Variants in HLTF observed in about 807,000 individuals in gnomAD.
The protein encoded by HLTF is helicase like transcription factor.
A neutral mutation model predicts 129.4 loss-of-function variants in HLTF; 127 were observed. The observed-to-expected ratio is 0.98, with a 90% CI of 0.85 to 1.14. The LOEUF is 1.14. HLTF is among the 50% of genes most tolerant of loss of function. HLTF has a pLI of 0.00. For synonymous variants in HLTF, 332 were observed against 388.8 expected, an observed-to-expected ratio of 0.85 and a Z score of 1.72; for missense variants, 1,139 against 1,187.1, an observed-to-expected ratio of 0.96 and a Z score of 0.60.
chr3:149,032,214 C>A lies in HLTF; in HGVS notation c.*6G>T. ...AATCAAACTGACCTTACTAAAATCC[C>A]ACAAATTATAAGTCAATTAATGTTC... On this transcript the variant is annotated 3_prime_UTR_variant, in exon 25 of 25. Transcript: ENST00000310053. 6.4e-7 allele frequency: 1 copy of A among 1,554,178 alleles called. No individual in the cohort carries two copies. The highest frequency in any genetic ancestry group is 8.6e-7 in the Non-Finnish European group (1 of 1,156,356).
At chr3:149,078,162 C>A (rs1243638001) in intron 2 of HLTF, among the ~76,000 whole-genome samples, 1 of 151,924 alleles carries the variant, frequency 6.6e-6, no homozygotes, top group Non-Finnish European at 1.5e-5. Flanking sequence ...GGTCTATACA[C>A]AGGGAAAAAA....
intron 15 of HLTF, 46 bp from the exon 16 acceptor site, chr3:149,049,047 A>G: frequency 7.8e-7 from 1 of 1,280,254 alleles, no homozygotes; most frequent in Non-Finnish European, 1.1e-6. Flanking sequence ...GGAAAGTAAA[A>G]TAGTACTTAA....
intron 2 of HLTF, among the ~76,000 whole-genome samples, chr3:149,076,574 T>A (rs1345959631): frequency 6.6e-6 from 1 of 152,174 alleles, no homozygotes; most frequent in African/African-American, 2.4e-5. Flanking sequence ...TGAGCCTCAA[T>A]TCTCCAGAAT....
intron 8 of HLTF, among the ~76,000 whole-genome samples, chr3:149,067,960 A>T (rs1263527933): frequency 6.6e-6 from 1 of 152,158 alleles, no homozygotes; most frequent in East Asian, 1.9e-4. Context: ...CCTGGACAAC[A>T]TGGCGAAATC....
Position 149,055,374 on chromosome 3 carries a change from T to G in HLTF, c.1402A>C (p.Lys468Gln), listed in dbSNP as rs756479170. The change falls in exon 14 of 25, where the codon AAA (lysine) becomes CAA (glutamine). Residue 468 changes from lysine to glutamine, a missense_variant. Transcript: ENST00000310053. Reference protein sequence around the residue: ...KGACAVEGSKKTDVEERPRTT... With the variant: ...KGACAVEGSKQTDVEERPRTT... ...CTTGGTCTCTCCTCAACATCAGTTT[T>G]CTTTGACCCCTCCACTGCACAAGCT... The G allele has an allele frequency of 1.9e-6, 3 of 1,613,826 alleles. No homozygotes were observed. In the South Asian group the frequency reaches 3.3e-5, roughly 18 times the overall value.
Position 149,048,156 on chromosome 3 carries a change from T to G in HLTF, c.1764A>C (p.Pro588=). 1.2e-6 allele frequency: 2 copies of G among 1,604,918 alleles called. No homozygotes were observed. Among genetic ancestry groups the G allele is most frequent in the Non-Finnish European group, 1.7e-6 (2 of 1,176,890 alleles). The change falls in exon 17 of 25, where the codon CCA becomes CCC. Residue 588 remains proline, a synonymous_variant. Coordinates refer to ENST00000310053, the MANE Select transcript of HLTF (RefSeq NM_003071.4). ...ACAAGTCCTTTAAAGAATTCTGGAT[T>G]GGAGTACCTAGAAATAACAGGAAAC... is the stretch of plus-strand genomic sequence containing the variant. The part of the protein sequence containing the change: ...SERRWVLTGT[P]IQNSLKDLWS...
intron 18 of HLTF, among the ~76,000 whole-genome samples, chr3:149,045,766 T>C (rs1452630105): frequency 6.6e-6 from 1 of 152,212 alleles, no homozygotes; most frequent in African/African-American, 2.4e-5. Context: ...TAAACCTATT[T>C]CATCAGTTCC....
intron 1 of HLTF, 99 bp from the exon 2 acceptor site, chr3:149,084,988 C>T (rs2108082204): frequency 1.3e-6 from 1 of 799,242 alleles, no homozygotes; most frequent in East Asian, 2.7e-5. Context: ...CAAATGAAAT[C>T]TTACATGGGA....
At position 149,046,107 on chromosome 3, in the gene HLTF, T is replaced by A. The variant is rs561083562; in HGVS notation, c.2045A>T (p.Lys682Ile). 6.2e-7 allele frequency: 1 copy of A among 1,610,122 alleles called. No homozygotes were observed. Among genetic ancestry groups the A allele is most frequent in the Non-Finnish European group, 8.5e-7 (1 of 1,178,584 alleles). ...DEERKIYQSV[K>I]NEGRATIGRY... ...TCCAATAGTGGCTCTGCCTTCATTT[T>A]TCACAGACTGATAAATCTTTCTCTC... Residue 682 changes from lysine (K) to isoleucine (I), a missense_variant, in exon 18 of 25, where the codon AAA becomes ATA. Coordinates refer to ENST00000310053, the MANE Select transcript of HLTF (RefSeq NM_003071.4).
intron 20 of HLTF, among the ~76,000 whole-genome samples, chr3:149,041,071 GT>G (rs1256319612): frequency 6.6e-6 from 1 of 152,096 alleles, no homozygotes; most frequent in Admixed American, 6.6e-5. Context: ...TGTGCTGTAA[GT>G]ATACACCACC....
At chr3:149,071,686 T>TA in intron 5 of HLTF, 29 bp from the exon 6 acceptor site, 2 of 1,234,512 alleles carry the variant, frequency 1.6e-6, no homozygotes, top group Non-Finnish European at 2.3e-6. Flanking sequence ...AGAAACAATG[T>TA]AAAACAAACT....
intron 18 of HLTF, among the ~76,000 whole-genome samples, chr3:149,043,730 A>G (rs768935235): frequency 1.3e-5 from 2 of 152,144 alleles, no homozygotes; most frequent in African/African-American, 4.8e-5. Flanking sequence ...TAAGAGTACA[A>G]ATTTTTAGAG....
At chr3:149,074,615 A>G (rs1278525097) in intron 3 of HLTF, among the ~76,000 whole-genome samples, 2 of 152,192 alleles carry the variant, frequency 1.3e-5, no homozygotes, top group Non-Finnish European at 2.9e-5. Flanking sequence ...CCTGTAAACA[A>G]GATTGTAATA....
chr3:149,055,581 T>C (rs1427973793), intron 13 of HLTF, among the ~76,000 whole-genome samples, 181 bp from the exon 14 acceptor site: 2 of 152,124 alleles, frequency 1.3e-5, no homozygotes, highest in Non-Finnish European at 2.9e-5. Context: ...AAAATCCACA[T>C]AGTGATTATG....
intron 13 of HLTF, among the ~76,000 whole-genome samples, chr3:149,058,806 A>C (rs933295779): frequency 6.6e-6 from 1 of 152,250 alleles, no homozygotes; most frequent in Non-Finnish European, 1.5e-5. Context: ...AATGACACAC[A>C]GCTGTGACTT....
chr3:149,059,316 A>G (rs1477488420), intron 13 of HLTF: 1 of 344,546 alleles, frequency 2.9e-6, no homozygotes, highest in African/African-American at 2.2e-5. Flanking sequence ...TATGAATTAC[A>G]AAATATAAAA....
intron 24 of HLTF, 49 bp downstream of exon 24, chr3:149,034,869 G>T: frequency 8.0e-7 from 1 of 1,243,082 alleles, no homozygotes; most frequent in Non-Finnish European, 1.2e-6. Context: ...TTGCTTAATT[G>T]TAAAAATCGT....
rs770651808 is a variant in HLTF, at chr3:149,046,093, C to T, written c.2059G>A (p.Ala687Thr). Residue 687 changes from alanine (A) to threonine (T), a missense_variant, in exon 18 of 25, where the codon GCC becomes ACC. By Grantham distance (58) the Ala-to-Thr change is moderately conservative. Coordinates refer to ENST00000310053, the MANE Select transcript of HLTF (RefSeq NM_003071.4). ...IYQSVKNEGRATIGRYFNEGT... is the reference protein window; with the variant it reads ...IYQSVKNEGRTTIGRYFNEGT... Reference sequence around the variant, plus strand: ...CTTTCTCCATACCTTCCAATAGTGGCTCTGCCTTCATTTTTCACAGACTGA... The same window carrying T: ...CTTTCTCCATACCTTCCAATAGTGGTTCTGCCTTCATTTTTCACAGACTGA... 75 of 1,607,528 alleles carry T rather than the reference C, an allele frequency of 4.7e-5. No homozygotes were observed. The highest frequency in any genetic ancestry group is 4.4e-4 in the Admixed American group (26 of 58,708).
chr3:149,032,316 T>C lies in HLTF; in HGVS notation c.2934A>G (p.Arg978=). Residue 978 remains arginine (R), a synonymous_variant, in exon 25 of 25, where the codon AGA becomes AGG. Transcript: ENST00000310053. ...ENMLKIQNKK[R]ELAAGAFGTK... is the part of the protein sequence containing the mutation. ...TTCCAAAGGCTCCTGCTGCAAGTTC[T>C]CTCTTTTTGTTTTGTATTTTCAGCA... 6.3e-7 allele frequency: 1 copy of C among 1,597,930 alleles called. No individual in the cohort carries two copies. The highest frequency in any genetic ancestry group is 8.5e-7 in the Non-Finnish European group (1 of 1,172,314).
Sources: gnomAD v4.1 joint callset for allele counts (sites outside exome capture counted in the v4.1 genomes callset) on GRCh38, gnomAD v4.1.1 for gene constraint, MANE v1.5 for transcripts, NCBI Gene and HGNC (gene_info 2026-07-23, HGNC 2026-07-21) for gene names.